The following AKR1B15 variants were observed in gnomAD, a reference collection of about 807,000 sequenced individuals.
AKR1B15 encodes the protein estradiol 17-beta-dehydrogenase AKR1B15.
Under a neutral mutation model 38.5 loss-of-function variants are expected in AKR1B15, and 49 were observed. That is an observed-to-expected ratio of 1.27 (90% CI 1.01 to 1.62). The LOEUF is 1.62. AKR1B15 is among the 40% of genes most tolerant of loss of function. The probability of loss-of-function intolerance (pLI) is 0.00; values close to 1 mark genes in which losing one functional copy is unlikely to be tolerated. For synonymous variants in AKR1B15, 137 were observed against 135.5 expected, an observed-to-expected ratio of 1.01 and a Z score of -0.08; for missense variants, 411 against 381.6, an observed-to-expected ratio of 1.08 and a Z score of -0.64.
Position 134,571,671 on chromosome 7 carries a change from A to G in AKR1B15, c.503A>G (p.Asp168Gly). Residue 168 changes from aspartate (D) to glycine (G), a missense_variant, in exon 6 of 12, where the codon GAT (aspartate) becomes GGT (glycine). Physicochemically the swap from Asp to Gly is moderately conservative, Grantham distance 94. Around this residue, in one of 3 missense-constraint regions of AKR1B15, gnomAD observed 254 missense variants for 212.4 expected, o/e 1.20. Coordinates refer to ENST00000457545, the MANE Select transcript of AKR1B15 (RefSeq NM_001080538.3). ...ATCAGTGGAAAAGGAACGTTCTTGG[A>G]TGCCTGGGAGGTAGGTTCCAGCTTT... ...NMISGKGTFLDAWEAMEELVD... is the reference protein window; with the variant it reads ...NMISGKGTFLGAWEAMEELVD... 6.2e-7 allele frequency: 1 copy of G among 1,613,570 alleles called. No homozygotes were observed. The highest frequency in any genetic ancestry group is 8.5e-7 in the Non-Finnish European group (1 of 1,179,720).
At chr7:134,562,397 G>A (rs1197412276) in intron 2 of AKR1B15, among the ~76,000 whole-genome samples, 1 of 152,152 alleles carries the variant, frequency 6.6e-6, no homozygotes, top group Non-Finnish European at 1.5e-5. Flanking sequence ...CCCACTTCCT[G>A]TTGATTGGTC....
At chr7:134,552,830 G>T (rs901556254) in intron 1 of AKR1B15, among the ~76,000 whole-genome samples, 1 of 152,010 alleles carries the variant, frequency 6.6e-6, no homozygotes, top group Non-Finnish European at 1.5e-5. Flanking sequence ...AATTAACCTG[G>T]ACTTGGTTAC....
At chr7:134,567,544 G>A (rs1439061496) in intron 3 of AKR1B15, among the ~76,000 whole-genome samples, 1 of 129,676 alleles carries the variant, frequency 7.7e-6, no homozygotes. Flanking sequence ...TCTTGTGGCT[G>A]GTGCTATTTT....
intron 7 of AKR1B15, 70 bp downstream of exon 7, chr7:134,575,612 C>A: frequency 1.9e-6 from 3 of 1,599,478 alleles, no homozygotes; most frequent in Non-Finnish European, 2.6e-6. Context: ...GGGGAATGTT[C>A]AATGCTATGC....
intron 1 of AKR1B15, among the ~76,000 whole-genome samples, chr7:134,554,032 G>C (rs1384942141): frequency 6.6e-6 from 1 of 152,214 alleles, no homozygotes; most frequent in Non-Finnish European, 1.5e-5. Flanking sequence ...ACTGACAGCA[G>C]GTATGCTTTT....
chr7:134,562,890 C>CTTTT (rs55643032), intron 2 of AKR1B15, among the ~76,000 whole-genome samples: 10 of 119,484 alleles, frequency 8.4e-5, no homozygotes, highest in African/African-American at 3.0e-4. Flanking sequence ...TTCTTTCTTT[C>CTTTT]CTTCTTTCTT....
chr7:134,559,134 A>G lies in AKR1B15; in HGVS notation c.-23+2275A>G, dbSNP rs183853290. On this transcript the variant is annotated intron_variant, in intron 2 of 11. Transcript: ENST00000457545. ...TTATTCTCTTTTTTCTTTTCAACAG[A>G]AGGTCATCTTGTCATCAGTGTAACT... Among the ~76,000 whole-genome samples the G allele has an allele frequency of 1.1e-3, 169 of 152,190 alleles. 1 individual carries two copies. The highest frequency in any genetic ancestry group is 1.9e-3 in the Non-Finnish European group (131 of 68,010).
intron 3 of AKR1B15, among the ~76,000 whole-genome samples, chr7:134,566,335 T>C (rs937339580): frequency 6.6e-6 from 1 of 152,122 alleles, no homozygotes; most frequent in African/African-American, 2.4e-5. Context: ...GTCTCAGGCT[T>C]CACCCAGGCT....
At chr7:134,577,816 T>A in intron 11 of AKR1B15, 30 bp downstream of exon 11, 1 of 1,610,112 alleles carries the variant, frequency 6.2e-7, no homozygotes, top group Non-Finnish European at 8.5e-7. Flanking sequence ...CTAGAAGAAT[T>A]GCCAGGAGTT....
intron 2 of AKR1B15, among the ~76,000 whole-genome samples, chr7:134,557,211 CTT>C (rs1215806327): frequency 6.6e-6 from 1 of 152,148 alleles, no homozygotes; most frequent in East Asian, 1.9e-4. Flanking sequence ...TTCTCCTCCT[CTT>C]GTTAGGGTTA....
chr7:134,572,437 G>A (rs1794686433), intron 6 of AKR1B15, among the ~76,000 whole-genome samples: 1 of 152,096 alleles, frequency 6.6e-6, no homozygotes, highest in African/African-American at 2.4e-5. Flanking sequence ...GACCAGTCTG[G>A]CTAGCAGAGT....
At chr7:134,575,795 G>A (rs774091817) in intron 7 of AKR1B15, 26 bp from the exon 8 acceptor site, 26 of 1,612,834 alleles carry the variant, frequency 1.6e-5, no homozygotes, top group Admixed American at 5.0e-5. Context: ...GGCTTTCCCC[G>A]TGATGAGGAT....
rs1439490498 is a variant in AKR1B15 at position 134,577,724 on chromosome 7, T to C, written c.930T>C (p.Ser310=). ...TCTAGGTCTTTGACTTTAAATTGAGTGATGAGGAGATGGCAACCATACTCA... is the reference window on the plus strand; with the variant it reads ...TCTAGGTCTTTGACTTTAAATTGAGCGATGAGGAGATGGCAACCATACTCA... ...ENIQVFDFKL[S]DEEMATILSF... The change falls in exon 11 of 12, where the codon AGT becomes AGC. Residue 310 remains serine, a synonymous_variant. Coordinates refer to ENST00000457545, the MANE Select transcript of AKR1B15 (RefSeq NM_001080538.3). The C allele has an allele frequency of 6.2e-7, 1 of 1,613,746 alleles. No homozygotes were observed. The highest frequency in any genetic ancestry group is 1.3e-5 in the African/African-American group (1 of 74,890).
rs1042139625 is a variant in AKR1B15 at position 134,571,186 on chromosome 7, G to A, written c.436-418G>A. ...TGGAGTGATGATGGCCTGCCATCCC[G>A]AATTCCACGCCTCTTCTAGAGGCTG... On this transcript the variant is annotated intron_variant, in intron 5 of 11. Coordinates refer to ENST00000457545, the MANE Select transcript of AKR1B15 (RefSeq NM_001080538.3). Among the ~76,000 whole-genome samples the A allele has an allele frequency of 2.0e-4, 31 of 152,144 alleles. 1 individual carries two copies. Among genetic ancestry groups the A allele is most frequent in the African/African-American group, 6.3e-4 (26 of 41,430 alleles).
intron 3 of AKR1B15, among the ~76,000 whole-genome samples, chr7:134,566,810 G>A (rs1386956523): frequency 6.6e-6 from 1 of 152,080 alleles, no homozygotes. Flanking sequence ...GGTCTATCTG[G>A]GCGAACAGAT....
intron 3 of AKR1B15, among the ~76,000 whole-genome samples, chr7:134,566,973 G>A (rs1163386404): frequency 6.6e-6 from 1 of 152,176 alleles, no homozygotes; most frequent in Non-Finnish European, 1.5e-5. Flanking sequence ...GACAGTTTCA[G>A]AATTTTGGAA....
At chr7:134,573,101 G>A (rs1794698359) in intron 6 of AKR1B15, among the ~76,000 whole-genome samples, 1 of 152,154 alleles carries the variant, frequency 6.6e-6, no homozygotes, top group Admixed American at 6.5e-5. Context: ...CACCATCTTG[G>A]CTCACTACAA....
rs1794616250 is a variant in AKR1B15, at chr7:134,569,388, T to C, written c.319-25T>C. On this transcript the variant is annotated intron_variant, in intron 4 of 11. Coordinates refer to ENST00000457545, the MANE Select transcript of AKR1B15 (RefSeq NM_001080538.3). Reference sequence around the variant, plus strand: ...TGGCCCTTCCTTTTCCCAGTATTACTAGCTCATTGCTACACTCTTTGCAGG... The same window carrying C: ...TGGCCCTTCCTTTTCCCAGTATTACCAGCTCATTGCTACACTCTTTGCAGG... 2.5e-6 allele frequency: 4 copies of C among 1,613,190 alleles called. No individual in the cohort carries two copies. In the East Asian group the frequency reaches 6.7e-5, roughly 27 times the overall value.
At chr7:134,571,573 T>G in intron 5 of AKR1B15, 31 bp from the exon 6 acceptor site, 1 of 1,557,306 alleles carries the variant, frequency 6.4e-7, no homozygotes, top group Non-Finnish European at 8.9e-7. Context: ...CTGATGCAGA[T>G]TCCAGTAAAC....
Sources: gnomAD v4.1 joint callset for allele counts (sites outside exome capture counted in the v4.1 genomes callset) on GRCh38, gnomAD v4.1.1 for gene constraint, gnomAD v4.1.1 regional missense constraint, MANE v1.5 for transcripts, NCBI Gene and HGNC (gene_info 2026-07-23, HGNC 2026-07-21) for gene names.